CDH23: variants seen among roughly 807,000 people sequenced by gnomAD.
CDH23 encodes the protein cadherin-23.
In CDH23, 189 loss-of-function variants were observed where a neutral mutation model predicts 317.1. That is an observed-to-expected ratio of 0.60 (90% confidence interval 0.53 to 0.67). CDH23 has a LOEUF of 0.67. CDH23 is among the 30% of genes least tolerant of loss of function. CDH23 has a pLI of 0.00. For missense variants in CDH23, 4,401 were observed against 4,592.4 expected (o/e 0.96, Z 1.20); for synonymous variants, 1,839 against 1,876.8 (o/e 0.98, Z 0.52).
chr10:71,479,588 G>C (rs1351695631), intron 3 of CDH23, among the ~76,000 whole-genome samples: 1 of 152,174 alleles, frequency 6.6e-6, no homozygotes, highest in Non-Finnish European at 1.5e-5. Flanking sequence ...ATTCCTTTGG[G>C]TTTTTATACT....
intron 6 of CDH23, among the ~76,000 whole-genome samples, chr10:71,525,687 A>G (rs1854999707): frequency 6.6e-6 from 1 of 152,180 alleles, no homozygotes; most frequent in South Asian, 2.1e-4. Context: ...TGGTGGTGCT[A>G]CATCCAACAA....
chr10:71,403,745 G>C (rs1177381367), intron 1 of CDH23, among the ~76,000 whole-genome samples: 1 of 151,650 alleles, frequency 6.6e-6, no homozygotes, highest in South Asian at 2.1e-4. Flanking sequence ...TCAACCTCTT[G>C]ACCTCGTAAT....
At chr10:71,758,325 G>T (rs763898698) in intron 38 of CDH23, among the ~76,000 whole-genome samples, 6 of 152,148 alleles carry the variant, frequency 3.9e-5, no homozygotes, top group Non-Finnish European at 8.8e-5. Context: ...GGATGCCTTT[G>T]TATCTCCAGG....
At chr10:71,632,893 A>T (rs1862081595) in intron 11 of CDH23, among the ~76,000 whole-genome samples, 1 of 152,214 alleles carries the variant, frequency 6.6e-6, no homozygotes, top group Non-Finnish European at 1.5e-5. Flanking sequence ...TTAAGAAACA[A>T]AATTTATTTC....
At chr10:71,669,614 A>G (rs1164869133) in intron 14 of CDH23, among the ~76,000 whole-genome samples, 1 of 152,002 alleles carries the variant, frequency 6.6e-6, no homozygotes, top group African/African-American at 2.4e-5. Context: ...TGTCCGGCTA[A>G]TTTTTGTATT....
At chr10:71,470,503 CT>C (rs113613877) in intron 3 of CDH23, among the ~76,000 whole-genome samples, 4,421 of 145,840 alleles carry the variant, frequency 0.03, 127 homozygotes, top group East Asian at 0.094. Context: ...TTTAATTTTA[CT>C]TTTTTTTTTT....
intron 38 of CDH23, chr10:71,762,006 C>A (rs979305204): frequency 6.2e-7 from 1 of 1,606,266 alleles, no homozygotes; most frequent in African/African-American, 1.3e-5. Context: ...GGCGTGGCGA[C>A]CTTGAAGGCT....
At chr10:71,618,340 C>G (rs542119914) in intron 11 of CDH23, among the ~76,000 whole-genome samples, 1 of 152,172 alleles carries the variant, frequency 6.6e-6, no homozygotes, top group East Asian at 1.9e-4. Flanking sequence ...TCCTGACACA[C>G]CCTGCATCAC....
At chr10:71,764,190 C>A (rs543772560) in intron 38 of CDH23, among the ~76,000 whole-genome samples, 1 of 152,318 alleles carries the variant, frequency 6.6e-6, no homozygotes, top group Admixed American at 6.5e-5. Context: ...AACGCAGGAT[C>A]TAGGCAGAAC....
intron 1 of CDH23, among the ~76,000 whole-genome samples, chr10:71,421,838 G>T (rs992007570): frequency 6.6e-6 from 1 of 152,072 alleles, no homozygotes; most frequent in East Asian, 1.9e-4. Flanking sequence ...GTGTGTGTGT[G>T]TGTGTGTGTG....
chr10:71,727,790 A>G (rs958095578), intron 30 of CDH23, among the ~76,000 whole-genome samples: 1 of 152,242 alleles, frequency 6.6e-6, no homozygotes, highest in Non-Finnish European at 1.5e-5. Context: ...GGACAGGCAC[A>G]GCACTGGACA....
intron 3 of CDH23, among the ~76,000 whole-genome samples, chr10:71,472,459 G>A (rs1037232603): frequency 8.5e-5 from 13 of 152,122 alleles, no homozygotes; most frequent in Admixed American, 2.0e-4. Context: ...CCCTCTCTTC[G>A]CAGCTCTAAC....
intron 9 of CDH23, among the ~76,000 whole-genome samples, chr10:71,598,618 C>A (rs1012480100): frequency 6.6e-6 from 1 of 152,212 alleles, no homozygotes; most frequent in African/African-American, 2.4e-5. Flanking sequence ...GAGAAGGACA[C>A]CAGGCCACGC....
At chr10:71,416,373 T>G (rs1385048363) in intron 1 of CDH23, among the ~76,000 whole-genome samples, 1 of 152,218 alleles carries the variant, frequency 6.6e-6, no homozygotes, top group Non-Finnish European at 1.5e-5. Flanking sequence ...TACTATCTCT[T>G]GGACAAAGCT....
intron 6 of CDH23, among the ~76,000 whole-genome samples, chr10:71,559,290 AT>A (rs1240022128): frequency 6.6e-6 from 1 of 152,010 alleles, no homozygotes; most frequent in Non-Finnish European, 1.5e-5. Context: ...CTTTATTGTC[AT>A]TTTGGTGAGG....
intron 38 of CDH23, chr10:71,755,218 C>T (rs189359151): frequency 3.1e-4 from 260 of 834,412 alleles, no homozygotes; most frequent in East Asian, 2.4e-3. Context: ...CAGCTCCTGG[C>T]GGGAAGTGCA....
At chr10:71,426,011 C>T (rs1289054965) in intron 1 of CDH23, among the ~76,000 whole-genome samples, 1 of 152,102 alleles carries the variant, frequency 6.6e-6, no homozygotes, top group Non-Finnish European at 1.5e-5. Context: ...TACTTGTGAA[C>T]CTTTCTATTG....
At chr10:71,619,331 A>C (rs929571453) in intron 11 of CDH23, among the ~76,000 whole-genome samples, 2 of 152,082 alleles carry the variant, frequency 1.3e-5, no homozygotes, top group East Asian at 1.9e-4. Flanking sequence ...TCTCAAAAAA[A>C]AAAAAACCCC....
At chr10:71,772,218 G>A (rs75988200) in intron 38 of CDH23, among the ~76,000 whole-genome samples, 4,533 of 152,264 alleles carry the variant, frequency 0.03, 215 homozygotes, top group African/African-American at 0.1. Context: ...TGCTGAGATA[G>A]CCAGCTGCCT....
Sources: allele counts gnomAD v4.1 joint callset (sites outside exome capture counted in the v4.1 genomes callset), GRCh38; gene constraint gnomAD v4.1.1; transcripts MANE v1.5; gene names NCBI Gene and HGNC (gene_info 2026-07-23, HGNC 2026-07-21).